Variants in EEPD1 observed in about 807,000 individuals in gnomAD.
EEPD1 encodes the protein endonuclease/exonuclease/phosphatase family domain-containing protein 1.
A neutral mutation model predicts 46.3 loss-of-function variants in EEPD1; 17 were observed. The ratio of observed to expected loss-of-function variants is 0.37; its 90% confidence interval spans 0.25 to 0.55. The LOEUF is 0.55. Ranked by LOEUF, EEPD1 falls within the 20% of genes least tolerant of loss-of-function variation. EEPD1 has a pLI of 0.83. For missense variants in EEPD1, 673 were observed against 745.6 expected, an observed-to-expected ratio of 0.90 and a Z score of 1.13; for synonymous variants, 313 against 315.6, an observed-to-expected ratio of 0.99 and a Z score of 0.09.
intron 5 of EEPD1, among the ~76,000 whole-genome samples, chr7:36,285,534 G>C (rs1787330348): frequency 1.3e-5 from 2 of 152,174 alleles, no homozygotes; most frequent in Admixed American, 6.5e-5. Context: ...CCCTTGGGAA[G>C]TGTTAATGAA....
At chr7:36,263,645 G>A (rs867268644) in intron 3 of EEPD1, among the ~76,000 whole-genome samples, 1 of 152,218 alleles carries the variant, frequency 6.6e-6, no homozygotes. Context: ...AAGATGTCAC[G>A]TTCTGGGTTT....
chr7:36,174,987 A>G (rs1269778919), intron 2 of EEPD1, among the ~76,000 whole-genome samples: 1 of 152,190 alleles, frequency 6.6e-6, no homozygotes, highest in African/African-American at 2.4e-5. Context: ...CGATTTATGG[A>G]CAGAAGGAGG....
chr7:36,253,687 G>A (rs1395979128), intron 3 of EEPD1, among the ~76,000 whole-genome samples: 1 of 151,978 alleles, frequency 6.6e-6, no homozygotes, highest in African/African-American at 2.4e-5. Flanking sequence ...ATTATGATAG[G>A]ATGTTCCTCT....
intron 3 of EEPD1, among the ~76,000 whole-genome samples, chr7:36,251,974 G>A (rs1786745547): frequency 6.6e-6 from 1 of 152,172 alleles, no homozygotes; most frequent in Non-Finnish European, 1.5e-5. Context: ...TCAGGAGTGA[G>A]AAAAGGAAAT....
At chr7:36,163,827 G>T (rs373184490) in intron 2 of EEPD1, among the ~76,000 whole-genome samples, 1 of 148,120 alleles carries the variant, frequency 6.8e-6, no homozygotes, top group Admixed American at 6.8e-5. Context: ...GCAGTGAGCC[G>T]AGATCATGCC....
In EEPD1 at chr7:36,234,545, G is replaced by A. The variant is rs143495955; in HGVS notation, c.879-4440G>A. Among the ~76,000 whole-genome samples, 1,108 of 151,878 alleles carry A rather than the reference G, an allele frequency of 7.3e-3. 10 individuals are homozygous for A. Among genetic ancestry groups the A allele is most frequent in the African/African-American group, 0.025 (1,049 of 41,402 alleles). On this transcript the variant is annotated intron_variant, in intron 2 of 7. Transcript: ENST00000242108. The stretch of plus-strand genomic sequence containing the variant: ...AAATTAGCCTGGTGTGGTGGCGTGC[G>A]CCTGCAGTCCGAGCTGCTTGGAAGG...
At chr7:36,165,370 T>C (rs187437532) in intron 2 of EEPD1, among the ~76,000 whole-genome samples, 20 of 150,336 alleles carry the variant, frequency 1.3e-4, no homozygotes, top group Admixed American at 7.3e-4. Flanking sequence ...GTCCACTCTG[T>C]GAAGTTTGCA....
intron 2 of EEPD1, among the ~76,000 whole-genome samples, chr7:36,203,934 A>G (rs1338590121): frequency 1.3e-5 from 2 of 150,436 alleles, no homozygotes; most frequent in East Asian, 3.9e-4. Flanking sequence ...AATGGAGATC[A>G]CGCTGATGTA....
chr7:36,196,409 C>T (rs1785586549), intron 2 of EEPD1, among the ~76,000 whole-genome samples: 1 of 152,048 alleles, frequency 6.6e-6, no homozygotes, highest in Admixed American at 6.5e-5. Flanking sequence ...CTCTCCCTCT[C>T]CCTCTCCCAT....
chr7:36,268,534 G>A (rs748363232), intron 3 of EEPD1, among the ~76,000 whole-genome samples: 5 of 152,092 alleles, frequency 3.3e-5, no homozygotes, highest in African/African-American at 4.8e-5. Context: ...ACAGCTTCCC[G>A]TCCCTCTATC....
intron 2 of EEPD1, among the ~76,000 whole-genome samples, chr7:36,210,977 A>G (rs1861313): frequency 0.94 from 143,632 of 152,304 alleles, 68,347 homozygotes; most frequent in East Asian, 1. Context: ...CTGTGTGCCC[A>G]TCTAGGCATC....
At chr7:36,156,103 C>T (rs959272655) in intron 2 of EEPD1, among the ~76,000 whole-genome samples, 1 of 152,152 alleles carries the variant, frequency 6.6e-6, no homozygotes, top group Non-Finnish European at 1.5e-5. Flanking sequence ...GCGTTTTGCC[C>T]TGCCACCCAC....
At chr7:36,242,889 A>G (rs1248281350) in intron 3 of EEPD1, among the ~76,000 whole-genome samples, 5 of 151,934 alleles carry the variant, frequency 3.3e-5, no homozygotes. Flanking sequence ...AGATCGCCCC[A>G]CTGCACTCCA....
chr7:36,248,599 C>T lies in EEPD1; in HGVS notation c.930+9563C>T, dbSNP rs115227054. On this transcript the variant is annotated intron_variant, in intron 3 of 7. Coordinates refer to ENST00000242108, the MANE Select transcript of EEPD1 (RefSeq NM_030636.3). ...ATTCTTCAGATCCCTTATTTATTTT[C>T]CCCCACCCCCGCCACACTTAGCCCT... is the stretch of plus-strand genomic sequence containing the variant. 2.7e-3 allele frequency among the ~76,000 whole-genome samples: 411 copies of T among 149,916 alleles called. 2 individuals carry two copies. The highest frequency in any genetic ancestry group is 7.8e-3 in the African/African-American group (317 of 40,722).
chr7:36,175,511 G>A (rs570690602), intron 2 of EEPD1, among the ~76,000 whole-genome samples: 1 of 152,140 alleles, frequency 6.6e-6, no homozygotes, highest in Non-Finnish European at 1.5e-5. Context: ...GGATTACAGG[G>A]GTGAACCATT....
intron 2 of EEPD1, among the ~76,000 whole-genome samples, chr7:36,161,090 C>G (rs1784896020): frequency 6.6e-6 from 1 of 152,128 alleles, no homozygotes; most frequent in Admixed American, 6.5e-5. Context: ...GACAAGGCCA[C>G]ATATTCTCTT....
intron 3 of EEPD1, among the ~76,000 whole-genome samples, chr7:36,265,700 G>A (rs1020373216): frequency 6.6e-6 from 1 of 151,976 alleles, no homozygotes; most frequent in Admixed American, 6.6e-5. Flanking sequence ...TTTTCTTGTT[G>A]GGTGGTTTCT....
intron 3 of EEPD1, among the ~76,000 whole-genome samples, chr7:36,260,973 G>T (rs772814494): frequency 2.6e-4 from 40 of 152,220 alleles, no homozygotes; most frequent in Non-Finnish European, 4.0e-4. Context: ...ATAGGAAGAT[G>T]TGCATAGATT....
At chr7:36,157,644 A>C (rs1784845862) in intron 2 of EEPD1, among the ~76,000 whole-genome samples, 1 of 152,212 alleles carries the variant, frequency 6.6e-6, no homozygotes, top group Non-Finnish European at 1.5e-5. Flanking sequence ...TCTTGGCCAA[A>C]TGTGTTGGAG....
Sources: allele counts gnomAD v4.1 joint callset (sites outside exome capture counted in the v4.1 genomes callset), GRCh38; gene constraint gnomAD v4.1.1; transcripts MANE v1.5; gene names NCBI Gene and HGNC (gene_info 2026-07-23, HGNC 2026-07-21).